The following TTYH2 variants were observed in gnomAD, a reference collection of about 807,000 sequenced individuals.
TTYH2 encodes tweety family member 2, also known as protein tweety homolog 2.
A neutral mutation model predicts 68.3 loss-of-function variants in TTYH2; 49 were observed. The ratio of observed to expected loss-of-function variants is 0.72; its 90% CI spans 0.57 to 0.91. The LOEUF (loss-of-function observed/expected upper bound fraction) is 0.91. Ranked by LOEUF, TTYH2 falls within the 40% of genes least tolerant of loss-of-function variation. The pLI is 0.00. For missense variants in TTYH2, 631 were observed against 700.4 expected, an observed-to-expected ratio of 0.90 and a Z score of 1.12; for synonymous variants, 272 against 300.8, an observed-to-expected ratio of 0.90 and a Z score of 0.99.
intron 13 of TTYH2, among the ~76,000 whole-genome samples, chr17:74,258,368 C>T (rs1178510392): frequency 1.3e-5 from 2 of 150,850 alleles, no homozygotes; most frequent in African/African-American, 4.9e-5. Context: ...CAGGACCAAG[C>T]GATTCTCCTG....
At chr17:74,220,129 T>TG (rs756365354) in intron 1 of TTYH2, among the ~76,000 whole-genome samples, 1 of 152,240 alleles carries the variant, frequency 6.6e-6, no homozygotes, top group Admixed American at 6.5e-5. Flanking sequence ...TGCAAGTGCA[T>TG]GCCACCAGGC....
At chr17:74,234,122 C>T (rs2050418004) in intron 3 of TTYH2, among the ~76,000 whole-genome samples, 1 of 152,198 alleles carries the variant, frequency 6.6e-6, no homozygotes, top group African/African-American at 2.4e-5. Flanking sequence ...GGTTGGTAAA[C>T]ACTGATTGCA....
chr17:74,227,868 T>C (rs548586765), intron 2 of TTYH2, among the ~76,000 whole-genome samples: 3 of 151,922 alleles, frequency 2.0e-5, no homozygotes, highest in Non-Finnish European at 2.9e-5. Context: ...GCTGCTTATC[T>C]GCACTTAACA....
intron 13 of TTYH2, among the ~76,000 whole-genome samples, chr17:74,257,226 T>C (rs1009391089): frequency 1.4e-4 from 22 of 152,314 alleles, no homozygotes; most frequent in Admixed American, 1.1e-3. Flanking sequence ...CTGACCTTAT[T>C]TGCAAGGCTC....
At chr17:74,216,284 T>A (rs1284168958) in intron 1 of TTYH2, among the ~76,000 whole-genome samples, 3 of 152,124 alleles carry the variant, frequency 2.0e-5, no homozygotes, top group Admixed American at 6.5e-5. Context: ...CTTCAGCTCA[T>A]GCCCCACATG....
In TTYH2 at chr17:74,222,671, G is replaced by C. The variant is rs2143720797; in HGVS notation, c.302+14G>C. ...GCTCATCTGCTGGTGAGTGTCCCTGGACGCTGGGCTTGGGGTGTGTGACTC... is the reference window on the plus strand; with the variant it reads ...GCTCATCTGCTGGTGAGTGTCCCTGCACGCTGGGCTTGGGGTGTGTGACTC... On this transcript the variant is annotated intron_variant, in intron 2 of 13. Coordinates refer to ENST00000269346, the MANE Select transcript of TTYH2 (RefSeq NM_032646.6). This position sits in a 1 kb window ranked among gnomAD's most constrained non-coding sequence, Gnocchi z 5.2. The C allele has an allele frequency of 6.2e-7, 1 of 1,601,668 alleles. No individual in the cohort carries two copies. The highest frequency in any genetic ancestry group is 2.2e-5 in the East Asian group (1 of 44,726).
intron 9 of TTYH2, 94 bp downstream of exon 9, chr17:74,250,122 C>T (rs1397682772): frequency 1.3e-6 from 2 of 1,507,808 alleles, no homozygotes; most frequent in African/African-American, 2.7e-5. Context: ...GCACAGCTTG[C>T]TGCTGGCTCT....
intron 6 of TTYH2, among the ~76,000 whole-genome samples, chr17:74,246,690 G>T (rs2050561714): frequency 6.6e-6 from 1 of 152,134 alleles, no homozygotes; most frequent in African/African-American, 2.4e-5. Context: ...ACGTGTATTA[G>T]TCCATTTTCA....
chr17:74,221,355 A>G (rs1396323590), intron 1 of TTYH2, among the ~76,000 whole-genome samples: 7 of 152,080 alleles, frequency 4.6e-5, no homozygotes, highest in Admixed American at 2.6e-4. Context: ...TGTCAGGTCT[A>G]TCTCTGTGTG....
chr17:74,252,619 C>T (rs2050645355), intron 11 of TTYH2, among the ~76,000 whole-genome samples: 1 of 152,236 alleles, frequency 6.6e-6, no homozygotes, highest in South Asian at 2.1e-4. Context: ...TGGTGACAGC[C>T]CTCAGGCCAC....
intron 1 of TTYH2, among the ~76,000 whole-genome samples, chr17:74,220,010 T>A (rs1306279898): frequency 3.4e-5 from 5 of 147,880 alleles, no homozygotes; most frequent in Non-Finnish European, 7.4e-5. Context: ...GGAGGTTGGG[T>A]TACTTTTTTT....
chr17:74,248,411 G>A (rs574789201), intron 6 of TTYH2: 1 of 986,706 alleles, frequency 1.0e-6, no homozygotes, highest in African/African-American at 1.7e-5. Context: ...CAGCTCATAA[G>A]TGGCAGCCGC....
chr17:74,254,662 G>A (rs2143784155), intron 13 of TTYH2, among the ~76,000 whole-genome samples: 1 of 152,314 alleles, frequency 6.6e-6, no homozygotes, highest in South Asian at 2.1e-4. Flanking sequence ...ACTGGCAAGG[G>A]CCATATTCAG....
chr17:74,230,117 C>G lies in TTYH2; in HGVS notation c.303-771C>G, dbSNP rs183586930. Among the ~76,000 whole-genome samples, 655 of 151,910 alleles carry G rather than the reference C, an allele frequency of 4.3e-3. 4 individuals carry two copies. The highest frequency in any genetic ancestry group is 0.015 in the African/African-American group (634 of 41,392). On this transcript the variant is annotated intron_variant, in intron 2 of 13. Transcript: ENST00000269346. Reference sequence around the variant, plus strand: ...TTGCACTCCAGCCTGGGCAACAGAGCGAAACTCTGTCTCAAAAAAATAAAA... The same window carrying G: ...TTGCACTCCAGCCTGGGCAACAGAGGGAAACTCTGTCTCAAAAAAATAAAA...
chr17:74,252,650 C>G (rs1366702325), intron 11 of TTYH2, among the ~76,000 whole-genome samples: 3 of 152,238 alleles, frequency 2.0e-5, no homozygotes, highest in African/African-American at 7.2e-5. Context: ...CCCTTCTCCT[C>G]TCTTCTCACC....
In TTYH2 at chr17:74,217,433, G is replaced by A. The variant is rs537186999; in HGVS notation, c.129+3717G>A. Among the ~76,000 whole-genome samples, 20 of 152,302 alleles carry A rather than the reference G, an allele frequency of 1.3e-4. No homozygotes were observed. The highest frequency in any genetic ancestry group is 4.1e-4 in the South Asian group (2 of 4,830). On this transcript the variant is annotated intron_variant, in intron 1 of 13. Transcript: ENST00000269346. This position sits in a 1 kb window ranked among gnomAD's most constrained non-coding sequence, Gnocchi z 4.0. The stretch of plus-strand genomic sequence containing the variant: ...AGGGTACACAGTTGGGGACTGGACC[G>A]GAACTACAGGACTTCCTGCTTCTGA...
chr17:74,215,703 C>G lies in TTYH2; in HGVS notation c.129+1987C>G. 6.5e-7 allele frequency: 1 copy of G among 1,533,416 alleles called. No individual in the cohort carries two copies. Among genetic ancestry groups the G allele is most frequent in the Non-Finnish European group, 8.7e-7 (1 of 1,146,874 alleles). 95.0% of individuals were successfully genotyped at this position (1,533,416 alleles called of 1,614,324 possible). ...GCTCTGGGTGTTATTTAAGGTGGCT[C>G]CTGTTTTTGGTAAGTTCCCCTGTTG... On this transcript the variant is annotated intron_variant, in intron 1 of 13. Transcript: ENST00000269346. The surrounding 1 kb of genome is among the most constrained non-coding windows in gnomAD (Gnocchi z 4.3).
At chr17:74,234,792 T>TTATAGAAA (rs886957710) in intron 3 of TTYH2, among the ~76,000 whole-genome samples, 3 of 152,200 alleles carry the variant, frequency 2.0e-5, no homozygotes, top group Non-Finnish European at 2.9e-5. Context: ...TTTGTTTGAT[T>TTATAGAAA]TATAGAAATA....
At chr17:74,255,964 G>A (rs899918612) in intron 13 of TTYH2, among the ~76,000 whole-genome samples, 1 of 152,168 alleles carries the variant, frequency 6.6e-6, no homozygotes, top group East Asian at 1.9e-4. Flanking sequence ...GAGGACCCAG[G>A]AAGTGCACGC....
Sources: gnomAD v4.1 joint callset for allele counts (sites outside exome capture counted in the v4.1 genomes callset) on GRCh38, gnomAD v4.1.1 for gene constraint, Gnocchi (gnomAD v3.1) non-coding constraint, MANE v1.5 for transcripts, NCBI Gene and HGNC (gene_info 2026-07-23, HGNC 2026-07-21) for gene names.